ZNF804B: variants seen among roughly 807,000 people sequenced by gnomAD.
ZNF804B encodes zinc finger 804B.
ZNF804B carries 80 observed loss-of-function variants against 101.4 expected under a neutral mutation model. That is an observed-to-expected ratio of 0.79 (90% confidence interval 0.66 to 0.95). The LOEUF (loss-of-function observed/expected upper bound fraction) is 0.95, where lower values mean the gene tolerates loss of function less well. ZNF804B is among the 40% of genes least tolerant of loss of function. The probability of loss-of-function intolerance (pLI) is 0.00; values close to 1 mark genes in which losing one functional copy is unlikely to be tolerated. For missense variants in ZNF804B, 1,673 were observed against 1,561.9 expected, an observed-to-expected ratio of 1.07 and a Z score of -1.20; for synonymous variants, 622 against 558.8, an observed-to-expected ratio of 1.11 and a Z score of -1.59.
intron 1 of ZNF804B, among the ~76,000 whole-genome samples, chr7:88,761,438 C>A (rs1789894755): frequency 6.6e-6 from 1 of 152,112 alleles, no homozygotes; most frequent in Admixed American, 6.5e-5. Context: ...ACATTCAGTC[C>A]CTCTAAGTAG....
intron 1 of ZNF804B, among the ~76,000 whole-genome samples, chr7:89,040,623 A>T (rs1174879264): frequency 1.3e-5 from 2 of 152,040 alleles, no homozygotes; most frequent in East Asian, 3.9e-4. Flanking sequence ...TCATTTCTTT[A>T]GGGCCAGTTA....
chr7:89,230,682 T>C (rs1761478083), intron 2 of ZNF804B, among the ~76,000 whole-genome samples: 1 of 152,052 alleles, frequency 6.6e-6, no homozygotes, highest in African/African-American at 2.4e-5. Flanking sequence ...ATGGAGAAGA[T>C]ATTCTGTTGA....
At chr7:89,085,082 A>T (rs1183017685) in intron 1 of ZNF804B, among the ~76,000 whole-genome samples, 1 of 151,926 alleles carries the variant, frequency 6.6e-6, no homozygotes, top group East Asian at 1.9e-4. Context: ...TCTTTAGGTT[A>T]ATCTTTCCAA....
intron 1 of ZNF804B, among the ~76,000 whole-genome samples, chr7:88,820,901 G>C (rs1790967899): frequency 6.6e-6 from 1 of 152,144 alleles, no homozygotes; most frequent in Admixed American, 6.6e-5. Flanking sequence ...AGAAAAGACT[G>C]TGAATATGCT....
At chr7:88,886,072 C>A (rs1038989975) in intron 1 of ZNF804B, among the ~76,000 whole-genome samples, 1 of 151,946 alleles carries the variant, frequency 6.6e-6, no homozygotes, top group Non-Finnish European at 1.5e-5. Context: ...TACATTTCAC[C>A]ATAAGATATG....
chr7:89,285,853 A>G (rs1380374167), intron 2 of ZNF804B, among the ~76,000 whole-genome samples: 1 of 152,176 alleles, frequency 6.6e-6, no homozygotes, highest in African/African-American at 2.4e-5. Context: ...TTTACAAGAA[A>G]ACCTGGACAA....
At chr7:89,004,921 T>G (rs952230964) in intron 1 of ZNF804B, among the ~76,000 whole-genome samples, 49 of 151,986 alleles carry the variant, frequency 3.2e-4, no homozygotes, top group Non-Finnish European at 1.0e-4. Flanking sequence ...TGGCTATATT[T>G]TGTGTATCAG....
At chr7:89,065,583 AAC>A (rs1789445200) in intron 1 of ZNF804B, among the ~76,000 whole-genome samples, 1 of 152,166 alleles carries the variant, frequency 6.6e-6, no homozygotes, top group Non-Finnish European at 1.5e-5. Context: ...AAATTCCCAC[AAC>A]ACACAGTGGG....
chr7:89,189,964 A>G (rs1788428961), intron 1 of ZNF804B, among the ~76,000 whole-genome samples: 2 of 152,106 alleles, frequency 1.3e-5, no homozygotes, highest in Non-Finnish European at 1.5e-5. Flanking sequence ...ACCTTCTCCA[A>G]AGAATTAATT....
intron 1 of ZNF804B, among the ~76,000 whole-genome samples, chr7:89,212,652 C>T (rs1311575523): frequency 1.3e-5 from 2 of 152,118 alleles, no homozygotes; most frequent in African/African-American, 4.8e-5. Flanking sequence ...TAAATCTATG[C>T]CTTTTCCATT....
chr7:89,044,911 T>C (rs1789079833), intron 1 of ZNF804B, among the ~76,000 whole-genome samples: 1 of 152,200 alleles, frequency 6.6e-6, no homozygotes, highest in Non-Finnish European at 1.5e-5. Context: ...AGGAGCCGAA[T>C]GTTAATCAGC....
At chr7:88,945,190 T>C (rs1793109509) in intron 1 of ZNF804B, among the ~76,000 whole-genome samples, 1 of 152,104 alleles carries the variant, frequency 6.6e-6, no homozygotes, top group African/African-American at 2.4e-5. Context: ...TGGTATTGCC[T>C]AGGTTTCCTT....
intron 2 of ZNF804B, among the ~76,000 whole-genome samples, chr7:89,290,072 T>A (rs551197244): frequency 6.6e-6 from 1 of 152,216 alleles, no homozygotes; most frequent in East Asian, 1.9e-4. Context: ...ACCCTTCCAG[T>A]CCCTAACTGG....
chr7:89,336,357 T>C lies in ZNF804B; in HGVS notation c.3375T>C (p.Pro1125=). The stretch of plus-strand genomic sequence containing the variant: ...ACTATGACAGAACTATGCAGAAACC[T>C]GACAAAGTCGAAGACGGATTAGAAA... The part of the protein sequence containing the change: ...NSYYDRTMQK[P]DKVEDGLEMC... The change falls in exon 4 of 4, where the codon CCT becomes CCC. Residue 1125 remains proline, a synonymous_variant. Transcript: ENST00000333190. 1 of 1,614,076 alleles carries C rather than the reference T, an allele frequency of 6.2e-7. No homozygotes were observed. Among genetic ancestry groups the C allele is most frequent in the East Asian group, 2.2e-5 (1 of 44,878 alleles).
rs182136779 is a variant in ZNF804B at position 89,049,277 on chromosome 7, T to C, written c.109-168878T>C. On this transcript the variant is annotated intron_variant, in intron 1 of 3. Coordinates refer to ENST00000333190, the MANE Select transcript of ZNF804B (RefSeq NM_181646.5). ...AATGGAATCTTCTCACTCAGCCCAATGCTCCACCAAAGGGAGATTTTCAGT... is the reference window on the plus strand; with the variant it reads ...AATGGAATCTTCTCACTCAGCCCAACGCTCCACCAAAGGGAGATTTTCAGT... Among the ~76,000 whole-genome samples the C allele has an allele frequency of 9.4e-4, 143 of 152,264 alleles. 2 individuals are homozygous for C. The highest frequency in any genetic ancestry group is 3.2e-3 in the African/African-American group (131 of 41,556).
intron 1 of ZNF804B, among the ~76,000 whole-genome samples, chr7:89,079,368 A>G (rs1028115120): frequency 2.6e-5 from 4 of 152,070 alleles, no homozygotes; most frequent in African/African-American, 9.7e-5. Flanking sequence ...AAAACATAAG[A>G]TAGTTTGGCA....
intron 2 of ZNF804B, among the ~76,000 whole-genome samples, chr7:89,242,582 A>G (rs991022297): frequency 6.6e-6 from 1 of 151,708 alleles, no homozygotes; most frequent in Non-Finnish European, 1.5e-5. Context: ...ATCTGTGAAT[A>G]TTTTTTACTT....
At chr7:89,201,253 CAG>C (rs1475554231) in intron 1 of ZNF804B, among the ~76,000 whole-genome samples, 6 of 151,960 alleles carry the variant, frequency 3.9e-5, no homozygotes, top group African/African-American at 1.4e-4. Context: ...AGAGTAGTAA[CAG>C]AGCATGTAAG....
At chr7:88,794,708 G>A in intron 1 of ZNF804B, 3 of 1,613,620 alleles carry the variant, frequency 1.9e-6, no homozygotes, top group South Asian at 1.1e-5. Context: ...CCTAGGTGAT[G>A]TTTCAAAACT....
Sources: gnomAD v4.1 joint callset for allele counts (sites outside exome capture counted in the v4.1 genomes callset) on GRCh38, gnomAD v4.1.1 for gene constraint, MANE v1.5 for transcripts, NCBI Gene and HGNC (gene_info 2026-07-23, HGNC 2026-07-21) for gene names.